The following CADPS variants were observed in gnomAD, a reference collection of about 807,000 sequenced individuals.
CADPS encodes the protein calcium dependent secretion activator.
In CADPS, 57 loss-of-function variants were observed where a neutral mutation model predicts 167.3. The observed-to-expected ratio is 0.34, with a 90% CI of 0.28 to 0.42. The LOEUF (loss-of-function observed/expected upper bound fraction) is 0.42. Among genes scored for constraint, CADPS ranks in the 20% least tolerant of loss-of-function variants. The pLI, the probability that CADPS is intolerant of heterozygous loss-of-function variation, is 1.00. For synonymous variants in CADPS, 676 were observed against 635.3 expected (o/e 1.06, Z -0.96); for missense variants, 1,414 against 1,738.1 (o/e 0.81, Z 3.32).
chr3:62,665,842 T>C (rs1027307198), intron 3 of CADPS, among the ~76,000 whole-genome samples: 1 of 152,162 alleles, frequency 6.6e-6, no homozygotes, highest in Admixed American at 6.5e-5. Flanking sequence ...AATAATCAGG[T>C]TAATGAGACC....
chr3:62,655,938 G>A (rs908442523), intron 4 of CADPS, among the ~76,000 whole-genome samples: 1 of 152,066 alleles, frequency 6.6e-6, no homozygotes, highest in Non-Finnish European at 1.5e-5. Flanking sequence ...AGCAACAGAG[G>A]CGTGCAGAGT....
At chr3:62,766,235 T>C (rs2086826587) in intron 1 of CADPS, among the ~76,000 whole-genome samples, 1 of 152,174 alleles carries the variant, frequency 6.6e-6, no homozygotes, top group Non-Finnish European at 1.5e-5. Context: ...ATTCATTGCC[T>C]CCTAGTTATT....
At chr3:62,400,233 C>T (rs1705410666) in intron 29 of CADPS, among the ~76,000 whole-genome samples, 1 of 152,276 alleles carries the variant, frequency 6.6e-6, no homozygotes, top group Middle Eastern at 3.4e-3. Context: ...ACTTTATGGT[C>T]TCAGGGAAGA....
At chr3:62,697,615 G>A (rs2080577826) in intron 3 of CADPS, among the ~76,000 whole-genome samples, 2 of 152,020 alleles carry the variant, frequency 1.3e-5, no homozygotes, top group South Asian at 4.2e-4. Flanking sequence ...CCTCTGGATA[G>A]ATATCCAGGA....
At chr3:62,555,066 TA>T (rs943144502) in intron 10 of CADPS, among the ~76,000 whole-genome samples, 5 of 152,274 alleles carry the variant, frequency 3.3e-5, no homozygotes, top group African/African-American at 1.2e-4. Context: ...AATCACTCTT[TA>T]AAAAATTCTG....
intron 10 of CADPS, among the ~76,000 whole-genome samples, 168 bp from the exon 11 acceptor site, chr3:62,550,283 C>T (rs568278277): frequency 2.0e-5 from 3 of 152,134 alleles, no homozygotes; most frequent in South Asian, 2.1e-4. Context: ...AGAGTGGGAC[C>T]GTGATGTTGA....
At chr3:62,499,395 A>G in intron 17 of CADPS, 127 bp from the exon 18 acceptor site, 1 of 646,792 alleles carries the variant, frequency 1.5e-6, no homozygotes, top group South Asian at 1.8e-5. Flanking sequence ...GCAAATGTTA[A>G]GTGCCATGTA....
intron 6 of CADPS, among the ~76,000 whole-genome samples, chr3:62,622,531 G>T (rs577571710): frequency 2.0e-5 from 3 of 152,202 alleles, no homozygotes; most frequent in Non-Finnish European, 1.5e-5. Flanking sequence ...TAACCTTGAT[G>T]AAATAAGAAA....
intron 3 of CADPS, among the ~76,000 whole-genome samples, chr3:62,743,507 C>T (rs1414267456): frequency 6.6e-6 from 1 of 152,124 alleles, no homozygotes; most frequent in East Asian, 1.9e-4. Flanking sequence ...TATGTTCTTC[C>T]TCCAAAGAAC....
intron 18 of CADPS, among the ~76,000 whole-genome samples, chr3:62,495,876 G>A (rs1350966921): frequency 6.6e-6 from 1 of 152,090 alleles, no homozygotes; most frequent in African/African-American, 2.4e-5. Flanking sequence ...TGTACTCTTA[G>A]CTGGTGAGAT....
intron 11 of CADPS, among the ~76,000 whole-genome samples, chr3:62,541,162 G>A (rs1292055568): frequency 1.3e-5 from 2 of 152,076 alleles, no homozygotes; most frequent in East Asian, 1.9e-4. Context: ...AGAAATCAAC[G>A]ATTGACATTT....
At chr3:62,631,657 A>C (rs200388079) in intron 6 of CADPS, among the ~76,000 whole-genome samples, 1 of 152,170 alleles carries the variant, frequency 6.6e-6, no homozygotes, top group East Asian at 1.9e-4. Context: ...AGCTTTTTAT[A>C]TATCCAGACA....
At chr3:62,863,242 G>A (rs2081126796) in intron 1 of CADPS, among the ~76,000 whole-genome samples, 1 of 152,166 alleles carries the variant, frequency 6.6e-6, no homozygotes. Context: ...GAAGGCTGGA[G>A]TCAGACTGCC....
intron 28 of CADPS, chr3:62,404,468 A>T (rs1037615035): frequency 1.3e-5 from 2 of 152,556 alleles, no homozygotes; most frequent in African/African-American, 4.8e-5. Context: ...AATTTCTTTT[A>T]AAAAAATTAA....
intron 5 of CADPS, 56 bp from the exon 6 acceptor site, chr3:62,645,899 C>T: frequency 6.3e-7 from 1 of 1,598,678 alleles, no homozygotes; most frequent in Non-Finnish European, 8.6e-7. Context: ...GGCAGCATCG[C>T]CCAGAGGAAA....
Position 62,458,917 on chromosome 3 carries a change from T to C in CADPS, c.3636+6450A>G, listed in dbSNP as rs950006166. Among the ~76,000 whole-genome samples the C allele has an allele frequency of 6.6e-6, 1 of 152,228 alleles. No individual in the cohort carries two copies. The highest frequency in any genetic ancestry group is 2.4e-5 in the African/African-American group (1 of 41,458). ...ACAATATTAAGTGAAATAGTTAACT[T>C]TGGATACTTATCTTTTCTCTTCTGT... On this transcript the variant is annotated intron_variant, in intron 26 of 29. Coordinates refer to ENST00000383710, the MANE Select transcript of CADPS (RefSeq NM_003716.4). This position sits in a 1 kb window ranked among gnomAD's most constrained non-coding sequence, Gnocchi z 4.6.
rs1236370469 is a variant in CADPS at position 62,446,895 on chromosome 3, CAGTT to C, written c.3637-1102_3637-1099del. 5.9e-5 allele frequency among the ~76,000 whole-genome samples: 9 copies of C among 152,160 alleles called. No individual in the cohort carries two copies. The highest frequency in any genetic ancestry group is 1.0e-4 in the Non-Finnish European group (7 of 68,024). Reference sequence around the variant, plus strand: ...TACAAAGACTGCAATGCACAAAAAGCAGTTAGGATGTCTTTTCACATCTCAGCCA... The same window carrying C: ...TACAAAGACTGCAATGCACAAAAAGCAGGATGTCTTTTCACATCTCAGCCA... On this transcript the variant is annotated intron_variant, in intron 26 of 29. Coordinates refer to ENST00000383710, the MANE Select transcript of CADPS (RefSeq NM_003716.4). The surrounding 1 kb of genome is among the most constrained non-coding windows in gnomAD (Gnocchi z 4.9).
intron 28 of CADPS, among the ~76,000 whole-genome samples, chr3:62,427,374 T>C (rs1388684609): frequency 2.0e-5 from 3 of 152,204 alleles, no homozygotes; most frequent in Non-Finnish European, 4.4e-5. Flanking sequence ...CCACAGATCA[T>C]GCTCATGATT....
intron 9 of CADPS, among the ~76,000 whole-genome samples, chr3:62,562,167 C>T (rs576570100): frequency 3.5e-4 from 54 of 152,144 alleles, no homozygotes; most frequent in Non-Finnish European, 6.9e-4. Context: ...GAAGCATTGA[C>T]GGATTGAGCC....
Sources: allele counts gnomAD v4.1 joint callset (sites outside exome capture counted in the v4.1 genomes callset), GRCh38; gene constraint gnomAD v4.1.1; non-coding constraint Gnocchi (gnomAD v3.1); transcripts MANE v1.5; gene names NCBI Gene and HGNC (gene_info 2026-07-23, HGNC 2026-07-21).